The following SLC9A9 variants were observed in gnomAD, a reference collection of about 807,000 sequenced individuals.
The protein encoded by SLC9A9 is sodium/hydrogen exchanger 9.
A neutral mutation model predicts 77.8 loss-of-function variants in SLC9A9; 62 were observed. That is an observed-to-expected ratio of 0.80 (90% CI 0.65 to 0.98). The LOEUF (loss-of-function observed/expected upper bound fraction) is 0.98. SLC9A9 is among the 50% of genes least tolerant of loss of function. The pLI is 0.00. For missense variants in SLC9A9, 775 were observed against 774.9 expected, an observed-to-expected ratio of 1.00 and a Z score of 0.00; for synonymous variants, 320 against 283.5, an observed-to-expected ratio of 1.13 and a Z score of -1.29.
intron 13 of SLC9A9, among the ~76,000 whole-genome samples, chr3:143,365,855 T>G (rs2108486075): frequency 6.6e-6 from 1 of 152,318 alleles, no homozygotes; most frequent in African/African-American, 2.4e-5. Flanking sequence ...GGGGTTCATC[T>G]GGCAAAGCAA....
chr3:143,648,339 G>T (rs1310853042), intron 6 of SLC9A9, among the ~76,000 whole-genome samples: 1 of 152,202 alleles, frequency 6.6e-6, no homozygotes, highest in African/African-American at 2.4e-5. Flanking sequence ...GCTTCGGGAT[G>T]AAAGGCATTC....
chr3:143,758,273 C>T (rs1178848502), intron 4 of SLC9A9, among the ~76,000 whole-genome samples: 1 of 152,152 alleles, frequency 6.6e-6, no homozygotes, highest in East Asian at 1.9e-4. Context: ...AGTCCTTGTT[C>T]ATTTACCAGC....
At chr3:143,560,750 A>G (rs2037070641) in intron 8 of SLC9A9, among the ~76,000 whole-genome samples, 2 of 151,998 alleles carry the variant, frequency 1.3e-5, no homozygotes, top group African/African-American at 4.8e-5. Context: ...GGAAACAAAT[A>G]CATCACATCT....
intron 12 of SLC9A9, among the ~76,000 whole-genome samples, chr3:143,411,020 T>A (rs1425086185): frequency 6.6e-6 from 1 of 152,232 alleles, no homozygotes; most frequent in East Asian, 1.9e-4. Context: ...CTAATATAAC[T>A]CTTTTGTCCT....
At chr3:143,458,389 CTT>C (rs1217942911) in intron 12 of SLC9A9, among the ~76,000 whole-genome samples, 1 of 152,040 alleles carries the variant, frequency 6.6e-6, no homozygotes, top group Non-Finnish European at 1.5e-5. Context: ...TTGACAATCT[CTT>C]TTAACTGATG....
chr3:143,651,134 G>A (rs1360454451), intron 6 of SLC9A9, among the ~76,000 whole-genome samples: 2 of 152,170 alleles, frequency 1.3e-5, no homozygotes, highest in Non-Finnish European at 2.9e-5. Flanking sequence ...CTTGGACAGG[G>A]ATTCCTGATG....
At chr3:143,432,095 T>C (rs573459182) in intron 12 of SLC9A9, among the ~76,000 whole-genome samples, 2 of 152,342 alleles carry the variant, frequency 1.3e-5, no homozygotes, top group South Asian at 4.1e-4. Context: ...ATATACTATA[T>C]AATTTGCCCA....
chr3:143,339,665 A>T (rs760630487), intron 14 of SLC9A9, among the ~76,000 whole-genome samples: 2 of 152,178 alleles, frequency 1.3e-5, no homozygotes, highest in Non-Finnish European at 2.9e-5. Context: ...TAGCTGGTGA[A>T]CAATAGTTAA....
intron 11 of SLC9A9, among the ~76,000 whole-genome samples, chr3:143,476,392 T>C (rs1407405877): frequency 1.3e-5 from 2 of 152,240 alleles, no homozygotes; most frequent in African/African-American, 4.8e-5. Context: ...ATAACTTCTG[T>C]GTATTTTTAT....
At chr3:143,672,713 G>T (rs2039177798) in intron 5 of SLC9A9, among the ~76,000 whole-genome samples, 2 of 152,068 alleles carry the variant, frequency 1.3e-5, no homozygotes, top group African/African-American at 4.8e-5. Context: ...TCAGCAAAAT[G>T]CCCTGTTTAA....
intron 4 of SLC9A9, among the ~76,000 whole-genome samples, chr3:143,760,729 A>G (rs559731014): frequency 5.9e-5 from 9 of 152,312 alleles, no homozygotes; most frequent in South Asian, 2.1e-4. Flanking sequence ...ATGCTCACGA[A>G]TAGGAATCAT....
In SLC9A9 at chr3:143,334,962, T is replaced by C. The variant is rs533157700; in HGVS notation, c.1604+28522A>G. Reference sequence around the variant, plus strand: ...AAGTCCTAGCCAGAGATAATAGGCATGAAAAAAAAAAATAGCACCCATATT... The same window carrying C: ...AAGTCCTAGCCAGAGATAATAGGCACGAAAAAAAAAAATAGCACCCATATT... On this transcript the variant is annotated intron_variant, in intron 14 of 15. Coordinates refer to ENST00000316549, the MANE Select transcript of SLC9A9 (RefSeq NM_173653.4). Among the ~76,000 whole-genome samples, 5 of 99,724 alleles carry C rather than the reference T, an allele frequency of 5.0e-5. No individual in the cohort carries two copies. In the East Asian group the frequency reaches 1.0e-3, roughly 21 times the overall value. 65.4% of individuals were successfully genotyped at this position (99,724 alleles called of 152,430 possible). A position where few individuals can be genotyped will look rare whatever the true frequency, so the allele number is the denominator to read the frequency against.
At chr3:143,274,005 A>G (rs2108399798) in intron 14 of SLC9A9, among the ~76,000 whole-genome samples, 1 of 152,346 alleles carries the variant, frequency 6.6e-6, no homozygotes, top group East Asian at 1.9e-4. Context: ...CCAGACATAT[A>G]TAATGGTCTC....
At chr3:143,390,077 T>C (rs1285693152) in intron 12 of SLC9A9, among the ~76,000 whole-genome samples, 1 of 152,210 alleles carries the variant, frequency 6.6e-6, no homozygotes, top group East Asian at 1.9e-4. Context: ...CTGGGACTTG[T>C]CTCATTACCA....
chr3:143,801,209 G>A (rs1281554857), intron 2 of SLC9A9, among the ~76,000 whole-genome samples: 4 of 152,146 alleles, frequency 2.6e-5, no homozygotes, highest in Non-Finnish European at 5.9e-5. Context: ...GTGCAGGGCT[G>A]TGCAGTTGGA....
chr3:143,555,389 C>A (rs867638356), intron 8 of SLC9A9, among the ~76,000 whole-genome samples: 1 of 152,148 alleles, frequency 6.6e-6, no homozygotes, highest in Admixed American at 6.5e-5. Context: ...CACTGTAACA[C>A]AAGGCAAAGC....
intron 14 of SLC9A9, among the ~76,000 whole-genome samples, chr3:143,348,561 C>T (rs1464868641): frequency 6.6e-6 from 1 of 152,082 alleles, no homozygotes; most frequent in Non-Finnish European, 1.5e-5. Context: ...CTAGGCATCT[C>T]TTTTTTTCAT....
chr3:143,661,445 C>A (rs1320895986), intron 5 of SLC9A9, among the ~76,000 whole-genome samples: 1 of 152,162 alleles, frequency 6.6e-6, no homozygotes, highest in Admixed American at 6.5e-5. Flanking sequence ...CACTGCTCGA[C>A]CCCACTGTGG....
At chr3:143,298,708 A>G (rs1463151213) in intron 14 of SLC9A9, among the ~76,000 whole-genome samples, 1 of 152,222 alleles carries the variant, frequency 6.6e-6, no homozygotes, top group Non-Finnish European at 1.5e-5. Context: ...ACAGAACATA[A>G]CAGCACAGGA....
Sources: allele counts gnomAD v4.1 joint callset (sites outside exome capture counted in the v4.1 genomes callset), GRCh38; gene constraint gnomAD v4.1.1; transcripts MANE v1.5; gene names NCBI Gene and HGNC (gene_info 2026-07-23, HGNC 2026-07-21).